RNLS: variants seen among roughly 807,000 people sequenced by gnomAD.
RNLS encodes the protein renalase, FAD dependent amine oxidase, also known as renalase.
Under a neutral mutation model 39.8 loss-of-function variants are expected in RNLS, and 39 were observed. The ratio of observed to expected loss-of-function variants is 0.98; its 90% CI spans 0.76 to 1.28. The LOEUF (loss-of-function observed/expected upper bound fraction) is 1.28. RNLS is among the 50% of genes most tolerant of loss of function. RNLS has a pLI of 0.00. For synonymous variants in RNLS, 147 were observed against 150.7 expected, an observed-to-expected ratio of 0.98 and a Z score of 0.18; for missense variants, 410 against 413.3, an observed-to-expected ratio of 0.99 and a Z score of 0.07.
rs1311468117 is a variant in RNLS, at chr10:88,330,114, CTA to C, written c.701-15475_701-15474del. ...ATAAATATAAATATATATACACACACTATATATATACACACACACACAATTTT... is the reference window on the plus strand; with the variant it reads ...ATAAATATAAATATATATACACACACTATATATACACACACACACAATTTT... On this transcript the variant is annotated intron_variant, in intron 5 of 6. Transcript: ENST00000331772. Among the ~76,000 whole-genome samples, 423 of 146,776 alleles carry C rather than the reference CTA, an allele frequency of 2.9e-3. 1 individual carries two copies. The highest frequency in any genetic ancestry group is 8.8e-3 in the African/African-American group (356 of 40,336).
intron 4 of RNLS, among the ~76,000 whole-genome samples, chr10:88,445,597 CA>C (rs1311133869): frequency 2.0e-5 from 3 of 151,834 alleles, no homozygotes; most frequent in Non-Finnish European, 4.4e-5. Flanking sequence ...CACATAGGCT[CA>C]AAATAAAGGG....
chr10:88,341,071 A>G (rs201153882), intron 5 of RNLS, among the ~76,000 whole-genome samples: 1 of 129,202 alleles, frequency 7.7e-6, no homozygotes, highest in Non-Finnish European at 1.7e-5. Context: ...AAAAAAAAAA[A>G]CAAAAAACAG....
chr10:88,177,271 G>A, the RNLS span, among the ~76,000 whole-genome samples: 5 of 151,870 alleles, frequency 3.3e-5, no homozygotes, highest in Non-Finnish European at 7.4e-5. Context: ...TTATTCTTTC[G>A]TATTGTCTGC....
At chr10:88,541,129 A>G (rs1386597723) in intron 4 of RNLS, among the ~76,000 whole-genome samples, 5 of 152,156 alleles carry the variant, frequency 3.3e-5, no homozygotes, top group African/African-American at 4.8e-5. Flanking sequence ...CATTTCTGTT[A>G]TATAGAAAGG....
intron 4 of RNLS, among the ~76,000 whole-genome samples, chr10:88,364,193 T>C (rs1256262393): frequency 6.6e-6 from 1 of 152,112 alleles, no homozygotes; most frequent in African/African-American, 2.4e-5. Flanking sequence ...CATTCAGACA[T>C]GGAACATATG....
the RNLS span, among the ~76,000 whole-genome samples, chr10:88,232,004 G>T: frequency 1.3e-5 from 2 of 148,374 alleles, no homozygotes; most frequent in African/African-American, 4.9e-5. Context: ...TTCTATTCCA[G>T]TTCTTCAAAA....
At chr10:88,382,903 A>ATCT (rs1851638291) in intron 4 of RNLS, among the ~76,000 whole-genome samples, 2 of 152,244 alleles carry the variant, frequency 1.3e-5, no homozygotes, top group African/African-American at 4.8e-5. Flanking sequence ...CTGAAGGGGA[A>ATCT]TCTTCTAAGA....
At chr10:88,256,216 A>G in the RNLS span, among the ~76,000 whole-genome samples, 5 of 152,340 alleles carry the variant, frequency 3.3e-5, no homozygotes, top group Non-Finnish European at 1.5e-5. Context: ...CCTTTACATA[A>G]CATTCATAAA....
the RNLS span, among the ~76,000 whole-genome samples, chr10:88,249,516 T>G: frequency 6.6e-6 from 1 of 152,194 alleles, no homozygotes; most frequent in Non-Finnish European, 1.5e-5. Context: ...TCTCTTGGCC[T>G]CAATATCTGG....
chr10:88,257,821 A>G, the RNLS span, among the ~76,000 whole-genome samples: 21 of 152,202 alleles, frequency 1.4e-4, no homozygotes, highest in Non-Finnish European at 2.8e-4. Flanking sequence ...TCTGGAGTGG[A>G]ACATTATACA....
chr10:88,330,070 G>GATATATATATATATATAT (rs59527333), intron 5 of RNLS, among the ~76,000 whole-genome samples: 1 of 140,546 alleles, frequency 7.1e-6, no homozygotes, highest in South Asian at 2.2e-4. Context: ...TCTGTTTTGA[G>GATATATATATATATATAT]ATATATATAT....
the RNLS span, among the ~76,000 whole-genome samples, chr10:88,250,058 A>G: frequency 2.0e-5 from 3 of 152,158 alleles, no homozygotes; most frequent in Non-Finnish European, 4.4e-5. Context: ...TGTTTGCGCT[A>G]TTAAAGTTCC....
At chr10:88,362,067 C>T (rs1329606231) in intron 5 of RNLS, among the ~76,000 whole-genome samples, 1 of 151,946 alleles carries the variant, frequency 6.6e-6, no homozygotes, top group Non-Finnish European at 1.5e-5. Context: ...TACCATTTTT[C>T]CCCAGATAAA....
At chr10:88,565,219 T>C (rs1457177686) in intron 4 of RNLS, among the ~76,000 whole-genome samples, 1 of 152,214 alleles carries the variant, frequency 6.6e-6, no homozygotes, top group African/African-American at 2.4e-5. Flanking sequence ...TTCTGTCATT[T>C]TCACAGTCCT....
At chr10:88,270,005 G>A (rs763784709), downstream of RNLS, among the ~76,000 whole-genome samples, 4 of 152,034 alleles carry the variant, frequency 2.6e-5, no homozygotes, top group South Asian at 2.1e-4. Flanking sequence ...GCGTGACCAC[G>A]CCCAGCTTAT....
intron 6 of RNLS, among the ~76,000 whole-genome samples, chr10:88,294,745 T>C (rs1399976547): frequency 6.6e-6 from 1 of 152,172 alleles, no homozygotes; most frequent in East Asian, 1.9e-4. Context: ...CCACTGTATA[T>C]GACTGGCATT....
chr10:88,326,979 G>A (rs1846665239), intron 5 of RNLS, among the ~76,000 whole-genome samples: 1 of 152,172 alleles, frequency 6.6e-6, no homozygotes, highest in Non-Finnish European at 1.5e-5. Flanking sequence ...CTTGCATGGG[G>A]ACTGTAACCC....
chr10:88,230,983 T>G, the RNLS span, among the ~76,000 whole-genome samples: 1 of 152,216 alleles, frequency 6.6e-6, no homozygotes, highest in African/African-American at 2.4e-5. Context: ...TGGAAACATC[T>G]CCTTCCTGAA....
chr10:88,580,346 T>C (rs1850466271), intron 3 of RNLS, among the ~76,000 whole-genome samples: 1 of 152,238 alleles, frequency 6.6e-6, no homozygotes, highest in South Asian at 2.1e-4. Flanking sequence ...GTATTTATTA[T>C]GTTCTCATGT....
Sources: gnomAD v4.1 joint callset for allele counts (sites outside exome capture counted in the v4.1 genomes callset) on GRCh38, gnomAD v4.1.1 for gene constraint, MANE v1.5 for transcripts, NCBI Gene and HGNC (gene_info 2026-07-23, HGNC 2026-07-21) for gene names.